CENPW: variants seen among roughly 807,000 people sequenced by gnomAD.
The protein encoded by CENPW is cancer-up-regulated gene 2 protein.
In CENPW, 3 loss-of-function variants were observed where a neutral mutation model predicts 11.1. The observed-to-expected ratio is 0.27, with a 90% CI of 0.12 to 0.70. The LOEUF (loss-of-function observed/expected upper bound fraction) is 0.70. Among genes scored for constraint, CENPW ranks in the 30% least tolerant of loss-of-function variants. The probability of loss-of-function intolerance (pLI) is 0.77; values close to 1 mark genes in which losing one functional copy is unlikely to be tolerated. For missense variants in CENPW, 100 were observed against 105.6 expected (o/e 0.95, Z 0.23); for synonymous variants, 38 against 42.0 (o/e 0.91, Z 0.37).
At position 126,348,794 on chromosome 6, in the gene CENPW, T is replaced by C; in HGVS notation, c.*302T>C. 1.0e-5 allele frequency: 2 copies of C among 195,994 alleles called. No individual in the cohort carries two copies. The highest frequency in any genetic ancestry group is 2.1e-5 in the Non-Finnish European group (2 of 97,340). 12.1% of individuals were successfully genotyped at this position (195,994 alleles called of 1,614,324 possible). On this transcript the variant is annotated 3_prime_UTR_variant, in exon 3 of 3. Transcript: ENST00000368328. ...TGAAATCTTACTATATTAAATACTT[T>C]GAAAATGTACTTCTTAGAATTAAGT...
chr6:126,344,980 G>A (rs535695059), intron 1 of CENPW, among the ~76,000 whole-genome samples: 1 of 152,194 alleles, frequency 6.6e-6, no homozygotes, highest in African/African-American at 2.4e-5. Flanking sequence ...TATCTAATTG[G>A]ATCTAAGTTG....
In CENPW at chr6:126,348,511, T is replaced by G. The variant is rs1486179798; in HGVS notation, c.*19T>G. On this transcript the variant is annotated 3_prime_UTR_variant, in exon 3 of 3. Coordinates refer to ENST00000368328, the MANE Select transcript of CENPW (RefSeq NM_001012507.4). Reference sequence around the variant, plus strand: ...AGGTTAGAAGTCAAAGAACATATTCTTGAAAGTTATGATGCATTCTTTTGG... The same window carrying G: ...AGGTTAGAAGTCAAAGAACATATTCGTGAAAGTTATGATGCATTCTTTTGG... The G allele has an allele frequency of 2.1e-6, 3 of 1,425,300 alleles. No homozygotes were observed. In the African/African-American group the frequency reaches 4.2e-5, roughly 20 times the overall value. 88.3% of individuals were successfully genotyped at this position (1,425,300 alleles called of 1,614,324 possible). A position where few individuals can be genotyped will look rare whatever the true frequency, so the allele number is the denominator to read the frequency against.
the CENPW span, among the ~76,000 whole-genome samples, chr6:126,355,792 A>T: frequency 6.6e-5 from 10 of 152,162 alleles, no homozygotes; most frequent in African/African-American, 1.9e-4. Context: ...TTTCTTTGGT[A>T]TTTTGCCAAT....
intron 1 of CENPW, among the ~76,000 whole-genome samples, chr6:126,343,526 A>G (rs1403589952): frequency 2.0e-5 from 3 of 152,170 alleles, no homozygotes; most frequent in Non-Finnish European, 2.9e-5. Context: ...GGAGCAAGGA[A>G]GCCAGTCCCA....
the CENPW span, among the ~76,000 whole-genome samples, chr6:126,365,565 TCAC>T: frequency 6.6e-6 from 1 of 152,108 alleles, no homozygotes; most frequent in Non-Finnish European, 1.5e-5. Context: ...TCTGAACCGA[TCAC>T]CTTCCACCAG....
the CENPW span, among the ~76,000 whole-genome samples, chr6:126,466,265 G>A: frequency 7.9e-5 from 12 of 152,188 alleles, no homozygotes; most frequent in African/African-American, 2.4e-4. Context: ...AAACAACCTC[G>A]TTAAGGGAGG....
chr6:126,400,553 C>G, the CENPW span, among the ~76,000 whole-genome samples: 2 of 151,958 alleles, frequency 1.3e-5, no homozygotes, highest in African/African-American at 4.8e-5. Flanking sequence ...GTTCTCTTAG[C>G]TACCTGAATC....
At chr6:126,362,915 A>G in the CENPW span, among the ~76,000 whole-genome samples, 2 of 152,174 alleles carry the variant, frequency 1.3e-5, no homozygotes, top group African/African-American at 2.4e-5. Context: ...GGTTGCTTCA[A>G]ATATATCTTT....
chr6:126,365,370 C>G, the CENPW span, among the ~76,000 whole-genome samples: 1 of 152,156 alleles, frequency 6.6e-6, no homozygotes, highest in Non-Finnish European at 1.5e-5. Context: ...GCAGGCTCTA[C>G]AGGCTTCTGC....
At chr6:126,396,993 G>T in the CENPW span, among the ~76,000 whole-genome samples, 1 of 151,928 alleles carries the variant, frequency 6.6e-6, no homozygotes, top group African/African-American at 2.4e-5. Context: ...AGTCACTTTT[G>T]TTTCTGCAAG....
chr6:126,392,941 A>G, the CENPW span, among the ~76,000 whole-genome samples: 1 of 151,876 alleles, frequency 6.6e-6, no homozygotes, highest in Non-Finnish European at 1.5e-5. Flanking sequence ...ATTTGCTGGG[A>G]GACTTTTTAT....
the CENPW span, among the ~76,000 whole-genome samples, chr6:126,398,814 T>G: frequency 6.6e-6 from 1 of 151,308 alleles, no homozygotes. Flanking sequence ...TGCCCTCCTT[T>G]TCCTCTAACA....
At chr6:126,458,615 C>T in the CENPW span, among the ~76,000 whole-genome samples, 27 of 151,080 alleles carry the variant, frequency 1.8e-4, no homozygotes, top group Admixed American at 7.9e-4. Flanking sequence ...ATTTTCAGGA[C>T]GACACTGAGA....
downstream of CENPW, among the ~76,000 whole-genome samples, chr6:126,351,565 T>C (rs1446193237): frequency 6.6e-6 from 1 of 152,086 alleles, no homozygotes; most frequent in Non-Finnish European, 1.5e-5. Context: ...GTTTATTAGA[T>C]TAACTGCATT....
chr6:126,401,483 T>C, the CENPW span, among the ~76,000 whole-genome samples: 24 of 152,144 alleles, frequency 1.6e-4, no homozygotes, highest in African/African-American at 4.1e-4. Context: ...GCTATGATAC[T>C]GAGTCTTAGG....
chr6:126,350,229 T>C (rs1562381901), downstream of CENPW, among the ~76,000 whole-genome samples: 1 of 152,164 alleles, frequency 6.6e-6, no homozygotes, highest in Non-Finnish European at 1.5e-5. Context: ...TCCTGATGGC[T>C]AATGTCTTAG....
At chr6:126,375,116 C>A in the CENPW span, among the ~76,000 whole-genome samples, 1 of 152,124 alleles carries the variant, frequency 6.6e-6, no homozygotes, top group Non-Finnish European at 1.5e-5. Context: ...GTCTTTTGAA[C>A]TATGATCTCC....
the CENPW span, among the ~76,000 whole-genome samples, chr6:126,365,774 A>G: frequency 3.9e-5 from 6 of 152,256 alleles, no homozygotes; most frequent in African/African-American, 1.4e-4. Flanking sequence ...CTGGTAAAGC[A>G]AGAAAAGCAC....
the CENPW span, among the ~76,000 whole-genome samples, chr6:126,354,235 G>T: frequency 1.3e-5 from 2 of 152,054 alleles, no homozygotes; most frequent in Non-Finnish European, 2.9e-5. Context: ...TGTAATTAGT[G>T]ACTGTACTAA....
Sources: allele counts gnomAD v4.1 joint callset (sites outside exome capture counted in the v4.1 genomes callset), GRCh38; gene constraint gnomAD v4.1.1; transcripts MANE v1.5; gene names NCBI Gene and HGNC (gene_info 2026-07-23, HGNC 2026-07-21).